UNC80: variants seen among roughly 807,000 people sequenced by gnomAD.
UNC80 encodes unc-80 subunit of NALCN channel complex, also known as protein unc-80 homolog.
A neutral mutation model predicts 384.6 loss-of-function variants in UNC80; 164 were observed. The ratio of observed to expected loss-of-function variants is 0.43; its 90% CI spans 0.38 to 0.49. UNC80 has a LOEUF of 0.49. Among genes scored for constraint, UNC80 ranks in the 20% least tolerant of loss-of-function variants. The pLI, the probability that UNC80 is intolerant of heterozygous loss-of-function variation, is 0.00. For missense variants in UNC80, 3,330 were observed against 4,143.0 expected (o/e 0.80, Z 5.39); for synonymous variants, 1,486 against 1,527.8 (o/e 0.97, Z 0.64).
chr2:209,791,057 T>C (rs758371330), intron 6 of UNC80, among the ~76,000 whole-genome samples: 8 of 152,222 alleles, frequency 5.3e-5, no homozygotes, highest in Middle Eastern at 3.2e-3. Context: ...CTAAGTCATA[T>C]TGTCTTCTTT....
chr2:209,957,206 G>GA (rs1253163293), intron 48 of UNC80, among the ~76,000 whole-genome samples: 1 of 152,136 alleles, frequency 6.6e-6, no homozygotes, highest in African/African-American at 2.4e-5. Flanking sequence ...TAGTTTCTCA[G>GA]AAAAAATAGA....
At chr2:209,873,274 A>G (rs1309332209) in intron 23 of UNC80, among the ~76,000 whole-genome samples, 1 of 152,238 alleles carries the variant, frequency 6.6e-6, no homozygotes, top group African/African-American at 2.4e-5. Context: ...CTCACAGATT[A>G]GATTTCAAAG....
rs2079786522 is a variant in UNC80 at position 209,816,962 on chromosome 2, C to T, written c.1389C>T (p.His463=). The T allele has an allele frequency of 6.4e-7, 1 of 1,551,740 alleles. No homozygotes were observed. Among genetic ancestry groups the T allele is most frequent in the Non-Finnish European group, 8.7e-7 (1 of 1,147,008 alleles). The stretch of plus-strand genomic sequence containing the variant: ...GGAAAGGCTCCATTCCATTCCACCA[C>T]ACAGGCAAGAGGAGGCCACGGAGAA... ...RERKGSIPFH[H]TGKRRPRRMG... Residue 463 remains histidine (H), a synonymous_variant, in exon 10 of 65, where the codon CAC becomes CAT. Transcript: ENST00000673920.
chr2:209,931,192 C>G, intron 38 of UNC80, 138 bp downstream of exon 38: 1 of 566,138 alleles, frequency 1.8e-6, no homozygotes, highest in South Asian at 2.8e-5. Flanking sequence ...TAGGGAAGCC[C>G]CTGCCTGGCA....
Position 209,820,517 on chromosome 2 carries a change from A to T in UNC80, c.2169A>T (p.Gly723=), listed in dbSNP as rs372499878. The T allele has an allele frequency of 5.8e-6, 9 of 1,551,236 alleles. No homozygotes were observed. In the African/African-American group the frequency reaches 9.6e-5, roughly 17 times the overall value. The part of the protein sequence containing the change: ...EGAFQFKGVS[G]SSTCGFGGPA... ...CTTTCCAATTCAAAGGAGTATCTGGAAGTTCCACCTGTGGATTCGGAGGCC... is the reference window on the plus strand; with the variant it reads ...CTTTCCAATTCAAAGGAGTATCTGGTAGTTCCACCTGTGGATTCGGAGGCC... Residue 723 remains glycine (G), a synonymous_variant, in exon 13 of 65, where the codon GGA becomes GGT. Transcript: ENST00000673920.
At chr2:209,846,351 C>T (rs1476578718) in intron 21 of UNC80, among the ~76,000 whole-genome samples, 2 of 151,980 alleles carry the variant, frequency 1.3e-5, no homozygotes, top group Non-Finnish European at 2.9e-5. Context: ...GAAATTATTT[C>T]ATTTTAAAAA....
intron 4 of UNC80, among the ~76,000 whole-genome samples, chr2:209,783,095 T>G (rs1243339691): frequency 6.6e-6 from 1 of 152,142 alleles, no homozygotes; most frequent in Non-Finnish European, 1.5e-5. Flanking sequence ...TAAATCTCTG[T>G]AAGCTACTAG....
intron 51 of UNC80, among the ~76,000 whole-genome samples, chr2:209,963,573 A>G (rs994815219): frequency 3.3e-5 from 5 of 152,246 alleles, no homozygotes; most frequent in African/African-American, 1.2e-4. Context: ...CTTTAAAATA[A>G]TAAGAGAAAA....
At chr2:209,963,661 A>G (rs2092663163) in intron 51 of UNC80, among the ~76,000 whole-genome samples, 1 of 152,122 alleles carries the variant, frequency 6.6e-6, no homozygotes, top group Admixed American at 6.5e-5. Context: ...CTGTATATCA[A>G]ATTCATGAGA....
At chr2:209,845,426 T>G (rs1205017603) in intron 21 of UNC80, among the ~76,000 whole-genome samples, 3 of 152,248 alleles carry the variant, frequency 2.0e-5, no homozygotes, top group Non-Finnish European at 2.9e-5. Flanking sequence ...TCCAAACACA[T>G]TATCATTACC....
At chr2:209,786,396 TCCTGTG>T (rs2077427927) in intron 5 of UNC80, among the ~76,000 whole-genome samples, 1 of 152,178 alleles carries the variant, frequency 6.6e-6, no homozygotes, top group Non-Finnish European at 1.5e-5. Flanking sequence ...CATTTAGACT[TCCTGTG>T]CCTCAGCTTC....
intron 7 of UNC80, among the ~76,000 whole-genome samples, chr2:209,799,697 T>A (rs1294724073): frequency 6.6e-6 from 1 of 152,220 alleles, no homozygotes; most frequent in East Asian, 1.9e-4. Flanking sequence ...AATAGGATAT[T>A]GGCTATGGTT....
At chr2:209,881,166 T>C in intron 25 of UNC80, 72 bp downstream of exon 25, 1 of 1,478,760 alleles carries the variant, frequency 6.8e-7, no homozygotes, top group Non-Finnish European at 9.0e-7. Flanking sequence ...TTTCCAAGAT[T>C]CACAGTTTTC....
Position 209,978,668 on chromosome 2 carries a change from G to GC in UNC80, c.9079dup (p.Gln3027ProfsTer8). ...ACAGTGAGCCATCCCAGCAGGCTTC[G>GC]CAGGACACCCTGAGTCGGACTGATG... On this transcript the variant is annotated frameshift_variant, in exon 59 of 65. Transcript: ENST00000673920. LOFTEE classifies it high-confidence loss of function. The GC allele has an allele frequency of 6.5e-7, 1 of 1,549,328 alleles. No individual in the cohort carries two copies. Among genetic ancestry groups the GC allele is most frequent in the Non-Finnish European group, 8.7e-7 (1 of 1,145,116 alleles).
At chr2:209,831,699 T>C in intron 16 of UNC80, 108 bp downstream of exon 16, 1 of 1,241,358 alleles carries the variant, frequency 8.1e-7, no homozygotes, top group Non-Finnish European at 1.1e-6. Context: ...AAGTCTACAC[T>C]TTAAAGTTTA....
At chr2:209,934,069 G>T in intron 39 of UNC80, 64 bp downstream of exon 39, 1 of 1,393,056 alleles carries the variant, frequency 7.2e-7, no homozygotes. Flanking sequence ...CCCTTTGAAA[G>T]ACTAAGAGTC....
intron 47 of UNC80, among the ~76,000 whole-genome samples, chr2:209,947,073 G>A (rs1229820256): frequency 6.6e-6 from 1 of 152,122 alleles, no homozygotes; most frequent in Non-Finnish European, 1.5e-5. Context: ...CAAAGCTGCA[G>A]GATGGTCTCA....
chr2:209,978,726 A>G lies in UNC80; in HGVS notation c.9118+18A>G. The G allele has an allele frequency of 6.6e-7, 1 of 1,512,968 alleles. No individual in the cohort carries two copies. Among genetic ancestry groups the G allele is most frequent in the Non-Finnish European group, 8.9e-7 (1 of 1,118,634 alleles). The allele number at this position is 1,512,968 out of a possible 1,614,324, so 93.7% of individuals were successfully genotyped here. On this transcript the variant is annotated intron_variant, in intron 59 of 64. Transcript: ENST00000673920. ...TGAGGAAAGTAGGTCATTCCAGAGAATCTGGGCAGTAGACATGGCCTGGCC... is the reference window on the plus strand; with the variant it reads ...TGAGGAAAGTAGGTCATTCCAGAGAGTCTGGGCAGTAGACATGGCCTGGCC...
At chr2:209,970,201 A>G (rs1453834255) in intron 53 of UNC80, 5 of 325,772 alleles carry the variant, frequency 1.5e-5, no homozygotes, top group Non-Finnish European at 2.2e-5. Flanking sequence ...AGCCTGCACA[A>G]TTGGCTAGAA....
Sources: gnomAD v4.1 joint callset for allele counts (sites outside exome capture counted in the v4.1 genomes callset) on GRCh38, gnomAD v4.1.1 for gene constraint, MANE v1.5 for transcripts, NCBI Gene and HGNC (gene_info 2026-07-23, HGNC 2026-07-21) for gene names.